The following PSAP variants were observed in gnomAD, a reference collection of about 807,000 sequenced individuals.
The protein encoded by PSAP is prosaposin, also known as precursor of saposins.
A neutral mutation model predicts 66.0 loss-of-function variants in PSAP; 25 were observed. The ratio of observed to expected loss-of-function variants is 0.38; its 90% CI spans 0.28 to 0.53. The LOEUF (loss-of-function observed/expected upper bound fraction) is 0.53. Among genes scored for constraint, PSAP ranks in the 20% least tolerant of loss-of-function variants. The pLI is 0.83. For missense variants in PSAP, 649 were observed against 668.8 expected (o/e 0.97, Z 0.33); for synonymous variants, 273 against 258.9 (o/e 1.05, Z -0.52).
intron 1 of PSAP, among the ~76,000 whole-genome samples, chr10:71,842,320 C>A (rs536038281): frequency 1.3e-5 from 2 of 152,156 alleles, no homozygotes; most frequent in South Asian, 4.2e-4. Context: ...AGGCTGCTCA[C>A]TAAATATTTG....
intron 2 of PSAP, among the ~76,000 whole-genome samples, chr10:71,833,841 C>G (rs1361742280): frequency 2.0e-5 from 3 of 152,184 alleles, no homozygotes; most frequent in Non-Finnish European, 4.4e-5. Context: ...AGCTGGAAAC[C>G]AATTTTAAAT....
At position 71,821,926 on chromosome 10, in the gene PSAP, C is replaced by A. The variant is rs907954436; in HGVS notation, c.859G>T (p.Val287Leu). Residue 287 changes from valine to leucine, a missense_variant, in exon 8 of 14, where the codon GTG becomes TTG. Transcript: ENST00000394936. ...GCAGGGATGACATTCTTGGAGGCCA[C>A]TTTGGCGGGGACCAGAGTCTGCATG... ...MPMQTLVPAK[V>L]ASKNVIPALE... 13 of 1,614,106 alleles carry A rather than the reference C, an allele frequency of 8.1e-6. No individual in the cohort carries two copies. The highest frequency in any genetic ancestry group is 1.3e-5 in the African/African-American group (1 of 74,926).
At chr10:71,850,709 T>C (rs1842910104) in intron 1 of PSAP, among the ~76,000 whole-genome samples, 1 of 152,268 alleles carries the variant, frequency 6.6e-6, no homozygotes, top group South Asian at 2.1e-4. Context: ...ATATAGATGA[T>C]ACACATGTGC....
rs527274867 is a variant in PSAP at position 71,825,269 on chromosome 10, G to A, written c.777+568C>T. The stretch of plus-strand genomic sequence containing the variant: ...AATCAGATCTAAGGAGGCAGTGCCC[G>A]TTCCCAACGTGAGCAGGCCGCCCTG... On this transcript the variant is annotated intron_variant, in intron 7 of 13. Coordinates refer to ENST00000394936, the MANE Select transcript of PSAP (RefSeq NM_002778.4). 4.9e-4 allele frequency among the ~76,000 whole-genome samples: 75 copies of A among 152,302 alleles called. 1 individual carries two copies. The highest frequency in any genetic ancestry group is 1.1e-3 in the Admixed American group (17 of 15,304).
chr10:71,821,335 C>T lies in PSAP; in HGVS notation c.909+541G>A, dbSNP rs1016148300. ...GCACAATGACATCATCTGTTCACCACAGCCCCTAACATGCTGCCTGACCCA... is the reference window on the plus strand; with the variant it reads ...GCACAATGACATCATCTGTTCACCATAGCCCCTAACATGCTGCCTGACCCA... On this transcript the variant is annotated intron_variant, in intron 8 of 13. Transcript: ENST00000394936. 1.1e-4 allele frequency among the ~76,000 whole-genome samples: 17 copies of T among 152,384 alleles called. 1 individual carries two copies. The South Asian group carries it at 2.5e-3, about 22-fold the overall frequency.
chr10:71,825,790 C>T (rs926362126), intron 7 of PSAP, 47 bp downstream of exon 7: 2 of 1,557,562 alleles, frequency 1.3e-6, no homozygotes, highest in Non-Finnish European at 1.8e-6. Flanking sequence ...ATGACGAAAC[C>T]TGAAAAACAA....
At chr10:71,851,059 T>G in intron 1 of PSAP, 123 bp downstream of exon 1, 1 of 1,178,442 alleles carries the variant, frequency 8.5e-7, no homozygotes, top group East Asian at 2.6e-5. Flanking sequence ...GCCTGCGCAG[T>G]GCGCGCGCCC....
chr10:71,823,935 A>G, intron 7 of PSAP: 1 of 1,287,672 alleles, frequency 7.8e-7, no homozygotes, highest in Non-Finnish European at 1.0e-6. Flanking sequence ...GGTGAAAATA[A>G]GAGAAAGGAA....
chr10:71,819,228 C>G, intron 11 of PSAP, 117 bp from the exon 12 acceptor site: 2 of 1,078,798 alleles, frequency 1.9e-6, no homozygotes, highest in East Asian at 2.6e-5. Context: ...GCATTCCCAG[C>G]CCACTGGGTC....
At chr10:71,835,668 T>G (rs554799557) in intron 1 of PSAP, among the ~76,000 whole-genome samples, 180 of 152,204 alleles carry the variant, frequency 1.2e-3, no homozygotes, top group African/African-American at 4.1e-3. Context: ...CAGATTCACA[T>G]CTCACTTCTA....
In PSAP at chr10:71,816,343, A is replaced by G. The variant is rs1302626864; in HGVS notation, c.*1098T>C. ...TGTTAAATCACAGAAACTTTAGTGC[A>G]AAACAAAAATCACGAAGTCCATTTA... On this transcript the variant is annotated 3_prime_UTR_variant, in exon 14 of 14. Coordinates refer to ENST00000394936, the MANE Select transcript of PSAP (RefSeq NM_002778.4). The G allele has an allele frequency of 2.2e-6, 1 of 463,850 alleles. No individual in the cohort carries two copies. Among genetic ancestry groups the G allele is most frequent in the African/African-American group, 2.0e-5 (1 of 50,100 alleles). 28.7% of individuals were successfully genotyped at this position (463,850 alleles called of 1,614,324 possible).
chr10:71,832,129 G>A (rs962981366), intron 2 of PSAP, among the ~76,000 whole-genome samples: 8 of 152,130 alleles, frequency 5.3e-5, no homozygotes, highest in African/African-American at 1.9e-4. Flanking sequence ...AACACACTGT[G>A]AGTTACAGGA....
chr10:71,840,682 T>A (rs1454183088), intron 1 of PSAP, among the ~76,000 whole-genome samples: 5 of 152,200 alleles, frequency 3.3e-5, no homozygotes, highest in Non-Finnish European at 7.3e-5. Flanking sequence ...TCCCATCACC[T>A]CTGGCCTCAA....
chr10:71,830,671 T>C (rs906045195), intron 4 of PSAP, among the ~76,000 whole-genome samples: 12 of 152,222 alleles, frequency 7.9e-5, no homozygotes, highest in African/African-American at 2.9e-4. Context: ...CCGTGTTCTT[T>C]GCTAAAAACC....
chr10:71,849,657 C>A (rs1350259546), intron 1 of PSAP, among the ~76,000 whole-genome samples: 1 of 152,048 alleles, frequency 6.6e-6, no homozygotes, highest in Non-Finnish European at 1.5e-5. Context: ...CGGCCAATAG[C>A]GTGCAAGACT....
At position 71,831,106 on chromosome 10, in the gene PSAP, G is replaced by C. The variant is rs1219774815; in HGVS notation, c.375+20C>G. On this transcript the variant is annotated intron_variant, in intron 4 of 13. Transcript: ENST00000394936. ...GCCCCAGAAGCACCTTCAAGGAAAA[G>C]CCTATTCCCCATCACTTACCATTTC... The C allele has an allele frequency of 1.2e-6, 2 of 1,613,694 alleles. No individual in the cohort carries two copies. The highest frequency in any genetic ancestry group is 3.3e-5 in the Admixed American group (2 of 60,002).
intron 12 of PSAP, 72 bp downstream of exon 12, chr10:71,818,959 A>G: frequency 7.0e-7 from 1 of 1,429,980 alleles, no homozygotes. Context: ...GTCTCAGAGC[A>G]ACCCTTCCGG....
Position 71,847,122 on chromosome 10 carries a change from C to T in PSAP, c.40+4060G>A, listed in dbSNP as rs539983262. Among the ~76,000 whole-genome samples, 3 of 152,158 alleles carry T rather than the reference C, an allele frequency of 2.0e-5. No homozygotes were observed. The South Asian group carries it at 6.2e-4, about 32-fold the overall frequency. ...CTCATCTACAAAATGCCACACCAAT[C>T]AATCCAACACACTTCAACTCTCATA... On this transcript the variant is annotated intron_variant, in intron 1 of 13. Transcript: ENST00000394936.
intron 7 of PSAP, 128 bp downstream of exon 7, chr10:71,825,709 G>T: frequency 2.4e-6 from 2 of 850,842 alleles, no homozygotes; most frequent in East Asian, 2.6e-5. Flanking sequence ...CAGAGGGGTC[G>T]ATTTAGCCCA....
Sources: gnomAD v4.1 joint callset for allele counts (sites outside exome capture counted in the v4.1 genomes callset) on GRCh38, gnomAD v4.1.1 for gene constraint, MANE v1.5 for transcripts, NCBI Gene and HGNC (gene_info 2026-07-23, HGNC 2026-07-21) for gene names.